AMD1: variants seen among roughly 807,000 people sequenced by gnomAD.
The protein encoded by AMD1 is S-adenosylmethionine decarboxylase proenzyme.
Under a neutral mutation model 40.2 loss-of-function variants are expected in AMD1, and 11 were observed. The observed-to-expected ratio is 0.27, with a 90% CI of 0.17 to 0.45. The LOEUF is 0.45. Among genes scored for constraint, AMD1 ranks in the 20% least tolerant of loss-of-function variants. The pLI is 1.00. For missense variants in AMD1, 257 were observed against 410.2 expected, an observed-to-expected ratio of 0.63 and a Z score of 3.23; for synonymous variants, 121 against 130.8, an observed-to-expected ratio of 0.93 and a Z score of 0.51.
chr6:110,861,350 TC>T, the AMD1 span, among the ~76,000 whole-genome samples: 4 of 142,646 alleles, frequency 2.8e-5, no homozygotes, highest in Admixed American at 7.1e-5. Flanking sequence ...AGAGTGAGAC[TC>T]CGTCTCAAAA....
At chr6:110,860,196 G>A in the AMD1 span, among the ~76,000 whole-genome samples, 6 of 151,972 alleles carry the variant, frequency 3.9e-5, no homozygotes, top group East Asian at 9.7e-4. Flanking sequence ...ATACTGCTCC[G>A]TCTCCCCTGG....
chr6:110,877,817 G>A (rs1785196640), intron 1 of AMD1, among the ~76,000 whole-genome samples: 2 of 152,204 alleles, frequency 1.3e-5, no homozygotes, highest in Admixed American at 6.5e-5. Flanking sequence ...CTATTAAGAT[G>A]TGAATAAACT....
the AMD1 span, among the ~76,000 whole-genome samples, chr6:110,863,119 GT>G: frequency 6.6e-6 from 1 of 151,740 alleles, no homozygotes; most frequent in East Asian, 2.0e-4. Flanking sequence ...TAATTTTTTT[GT>G]ATTTTTAGTA....
chr6:110,817,606 C>T, the AMD1 span, among the ~76,000 whole-genome samples: 1 of 151,432 alleles, frequency 6.6e-6, no homozygotes, highest in Non-Finnish European at 1.5e-5. Flanking sequence ...AAGACCCCGA[C>T]TCAAAAAAAA....
intron 1 of AMD1, among the ~76,000 whole-genome samples, chr6:110,880,423 A>T (rs1471060057): frequency 1.3e-5 from 2 of 152,234 alleles, no homozygotes; most frequent in Non-Finnish European, 2.9e-5. Context: ...GTCATATCCA[A>T]GAAATCATTG....
At position 110,893,751 on chromosome 6, in the gene AMD1, T is replaced by TTACACTATCATTAC; in HGVS notation, c.*135_*136insTACACTATCATTAC. 2 of 958,984 alleles carry TTACACTATCATTAC rather than the reference T, an allele frequency of 2.1e-6. No homozygotes were observed. Among genetic ancestry groups the TTACACTATCATTAC allele is most frequent in the South Asian group, 1.7e-5 (1 of 57,730 alleles). 59.4% of individuals were successfully genotyped at this position (958,984 alleles called of 1,614,324 possible). A position where few individuals can be genotyped will look rare whatever the true frequency, so the allele number is the denominator to read the frequency against. ...TTGCAGAAAGCCCTAGATGTAATGATAGTGTAATCATTTTGAATTGTATGC... is the reference window on the plus strand; with the variant it reads ...TTGCAGAAAGCCCTAGATGTAATGATTACACTATCATTACAGTGTAATCATTTTGAATTGTATGC... On this transcript the variant is annotated 3_prime_UTR_variant, in exon 9 of 9. Coordinates refer to ENST00000368885, the MANE Select transcript of AMD1 (RefSeq NM_001634.6).
intron 4 of AMD1, among the ~76,000 whole-genome samples, chr6:110,890,624 T>G (rs569699634): frequency 6.6e-6 from 1 of 152,306 alleles, no homozygotes; most frequent in East Asian, 1.9e-4. Flanking sequence ...TAGCTGGGGC[T>G]ACAGATGTTT....
At chr6:110,829,749 G>A in the AMD1 span, among the ~76,000 whole-genome samples, 1 of 152,044 alleles carries the variant, frequency 6.6e-6, no homozygotes, top group Non-Finnish European at 1.5e-5. Flanking sequence ...GAGAGGCTGA[G>A]GTAGGAGAAT....
intron 1 of AMD1, among the ~76,000 whole-genome samples, chr6:110,880,926 G>T (rs1186898278): frequency 6.6e-6 from 1 of 152,082 alleles, no homozygotes. Context: ...CCTGCCTCGG[G>T]CTCCCAAAAT....
At chr6:110,839,485 G>A in the AMD1 span, among the ~76,000 whole-genome samples, 1 of 152,170 alleles carries the variant, frequency 6.6e-6, no homozygotes, top group East Asian at 1.9e-4. Context: ...GCCAGGTGTA[G>A]TGGTGTGAAC....
Position 110,893,701 on chromosome 6 carries a change from G to A in AMD1, c.*85G>A. The A allele has an allele frequency of 1.4e-6, 2 of 1,467,108 alleles. No homozygotes were observed. Among genetic ancestry groups the A allele is most frequent in the Non-Finnish European group, 9.3e-7 (1 of 1,080,870 alleles). The allele number at this position is 1,467,108 out of a possible 1,614,324, so 90.9% of individuals were successfully genotyped here. Reference sequence around the variant, plus strand: ...TCTAGATGTCGATGCTGGGGGCAGTGCTTTCCATAACCACCACTGTGTAGT... The same window carrying A: ...TCTAGATGTCGATGCTGGGGGCAGTACTTTCCATAACCACCACTGTGTAGT... On this transcript the variant is annotated 3_prime_UTR_variant, in exon 9 of 9. Transcript: ENST00000368885.
chr6:110,869,930 T>C (rs1220307284), upstream of AMD1, among the ~76,000 whole-genome samples: 2 of 151,180 alleles, frequency 1.3e-5, no homozygotes, highest in Non-Finnish European at 3.0e-5. Context: ...CTTTTTTAAA[T>C]AGAGATGGGG....
chr6:110,824,347 C>T, the AMD1 span, among the ~76,000 whole-genome samples: 1 of 152,190 alleles, frequency 6.6e-6, no homozygotes, highest in African/African-American at 2.4e-5. Context: ...TGTATGTTCC[C>T]ACTTACAAGT....
At chr6:110,887,639 A>G in intron 2 of AMD1, 48 bp downstream of exon 2, 1 of 1,333,578 alleles carries the variant, frequency 7.5e-7, no homozygotes, top group Admixed American at 2.3e-5. Flanking sequence ...AGTCCTAATC[A>G]TAATGTGAAA....
the AMD1 span, among the ~76,000 whole-genome samples, chr6:110,820,240 C>CTTTTTTTTT: frequency 9.9e-5 from 14 of 141,996 alleles, no homozygotes; most frequent in East Asian, 4.2e-4. Context: ...TTCTTTCTTT[C>CTTTTTTTTT]TTTTTTTTTT....
Position 110,875,005 on chromosome 6 carries a change from A to G in AMD1, c.-101A>G. On this transcript the variant is annotated 5_prime_UTR_variant, in exon 1 of 9. Transcript: ENST00000368885. ...AAAAAAAGGAACCTGAACTTTAGTA[A>G]CACAGCTGGAACAATCCGCAGCGGC... The G allele has an allele frequency of 1.2e-6, 1 of 827,050 alleles. No homozygotes were observed. The highest frequency in any genetic ancestry group is 1.6e-5 in the South Asian group (1 of 63,196). 51.2% of individuals were successfully genotyped at this position (827,050 alleles called of 1,614,324 possible). A position where few individuals can be genotyped will look rare whatever the true frequency, so the allele number is the denominator to read the frequency against.
the AMD1 span, among the ~76,000 whole-genome samples, chr6:110,853,354 C>A: frequency 1.3e-5 from 2 of 151,002 alleles, no homozygotes; most frequent in Admixed American, 1.3e-4. Context: ...GTTGCCCAGG[C>A]TGGAGTGCAG....
the AMD1 span, chr6:110,863,825 G>A: frequency 1.1e-5 from 4 of 369,294 alleles, no homozygotes; most frequent in Admixed American, 9.4e-5. Flanking sequence ...ATCACCTGGA[G>A]CTTAAGAAGT....
Position 110,883,507 on chromosome 6 carries a change from A to G in AMD1, c.111-3998A>G, listed in dbSNP as rs546327530. ...CTCTTTTTTGCTTTTGTTTTGTTCTATTCTGCCCCAATCCTCTTGTAGGCC... is the reference window on the plus strand; with the variant it reads ...CTCTTTTTTGCTTTTGTTTTGTTCTGTTCTGCCCCAATCCTCTTGTAGGCC... On this transcript the variant is annotated intron_variant, in intron 1 of 8. Transcript: ENST00000368885. 4.6e-4 allele frequency among the ~76,000 whole-genome samples: 70 copies of G among 152,328 alleles called. 1 individual carries two copies. Among genetic ancestry groups the G allele is most frequent in the Admixed American group, 2.6e-4 (4 of 15,300 alleles).
Sources: allele counts gnomAD v4.1 joint callset (sites outside exome capture counted in the v4.1 genomes callset), GRCh38; gene constraint gnomAD v4.1.1; transcripts MANE v1.5; gene names NCBI Gene and HGNC (gene_info 2026-07-23, HGNC 2026-07-21).